The following CTNNA2 variants were observed in gnomAD, a reference collection of about 807,000 sequenced individuals.
CTNNA2 encodes catenin alpha-2.
A neutral mutation model predicts 101.0 loss-of-function variants in CTNNA2; 42 were observed. The observed-to-expected ratio is 0.42, with a 90% CI of 0.32 to 0.54. The LOEUF (loss-of-function observed/expected upper bound fraction) is 0.54. Ranked by LOEUF, CTNNA2 falls within the 20% of genes least tolerant of loss-of-function variation. The probability of loss-of-function intolerance (pLI) is 0.14; values close to 1 mark genes in which losing one functional copy is unlikely to be tolerated. For synonymous variants in CTNNA2, 450 were observed against 456.4 expected (o/e 0.99, Z 0.18); for missense variants, 871 against 1,223.1 (o/e 0.71, Z 4.29).
intron 1 of CTNNA2, chr2:79,195,947 TGTTTTA>T (rs537654535): frequency 6.7e-4 from 293 of 437,426 alleles, no homozygotes; most frequent in African/African-American, 5.3e-3. Context: ...TTTGTTTGTT[TGTTTTA>T]TGAGATGGAG....
intron 7 of CTNNA2, among the ~76,000 whole-genome samples, chr2:80,131,363 T>G (rs1048605155): frequency 6.6e-6 from 1 of 152,102 alleles, no homozygotes; most frequent in Non-Finnish European, 1.5e-5. Flanking sequence ...TATGGTCATG[T>G]AAGACATTAT....
intron 3 of CTNNA2, among the ~76,000 whole-genome samples, chr2:79,745,720 A>G (rs1436841070): frequency 1.3e-5 from 2 of 152,172 alleles, no homozygotes; most frequent in African/African-American, 4.8e-5. Context: ...ACTTAGCATA[A>G]TGTCTTCAAG....
At chr2:79,544,407 A>G (rs1673606471) in intron 1 of CTNNA2, among the ~76,000 whole-genome samples, 1 of 152,114 alleles carries the variant, frequency 6.6e-6, no homozygotes, top group Admixed American at 6.5e-5. Context: ...TTCTTTTGTA[A>G]GTGAAGCAAT....
intron 1 of CTNNA2, among the ~76,000 whole-genome samples, chr2:79,617,028 A>T (rs1299636011): frequency 1.3e-5 from 2 of 151,826 alleles, no homozygotes; most frequent in African/African-American, 4.8e-5. Context: ...CAGCCACCAA[A>T]GTAACTGGGA....
intron 4 of CTNNA2, among the ~76,000 whole-genome samples, chr2:79,859,293 T>C (rs1016844954): frequency 3.3e-5 from 5 of 151,996 alleles, no homozygotes; most frequent in African/African-American, 1.2e-4. Context: ...CCAGGGGAGA[T>C]AGGAAATGAA....
At chr2:80,027,972 C>CAAAAAAAAAAAA (rs1177032489) in intron 7 of CTNNA2, 1 of 19,838 alleles carries the variant, frequency 5.0e-5, no homozygotes, top group Non-Finnish European at 1.0e-4. Context: ...GACCCTGTCT[C>CAAAAAAAAAAAA]AAAAAAAAAA....
intron 2 of CTNNA2, among the ~76,000 whole-genome samples, chr2:79,731,336 T>C (rs1687182010): frequency 6.6e-6 from 1 of 152,100 alleles, no homozygotes; most frequent in Non-Finnish European, 1.5e-5. Context: ...CAGGGAGCCC[T>C]GTACTCTCGA....
At chr2:79,773,224 A>G (rs1433568044) in intron 3 of CTNNA2, among the ~76,000 whole-genome samples, 3 of 152,196 alleles carry the variant, frequency 2.0e-5, no homozygotes, top group Non-Finnish European at 4.4e-5. Context: ...TGAATTAAGC[A>G]AGAGAGGATG....
chr2:79,815,071 C>T (rs187477385), intron 3 of CTNNA2, among the ~76,000 whole-genome samples: 3 of 152,118 alleles, frequency 2.0e-5, no homozygotes, highest in Admixed American at 6.5e-5. Flanking sequence ...ATTTTTGTAT[C>T]TTCTTTGGAG....
intron 7 of CTNNA2, among the ~76,000 whole-genome samples, chr2:80,047,072 G>A (rs75419762): frequency 6.6e-6 from 1 of 152,076 alleles, no homozygotes; most frequent in South Asian, 2.1e-4. Flanking sequence ...GATGTCCCCT[G>A]GGGTAAAATC....
At chr2:79,703,988 GTTA>G (rs1362295012) in intron 2 of CTNNA2, among the ~76,000 whole-genome samples, 7 of 151,894 alleles carry the variant, frequency 4.6e-5, no homozygotes, top group East Asian at 3.9e-4. Context: ...CTAAATTAAA[GTTA>G]TTATTACTAG....
chr2:79,882,213 G>A lies in CTNNA2; in HGVS notation c.852+7871G>A, dbSNP rs184246792. Among the ~76,000 whole-genome samples the A allele has an allele frequency of 4.7e-3, 714 of 152,158 alleles. 8 individuals carry two copies. Among genetic ancestry groups the A allele is most frequent in the Non-Finnish European group, 6.5e-3 (443 of 68,002 alleles). The stretch of plus-strand genomic sequence containing the variant: ...TGGACTTCCCTTTGTAGGTGACCTG[G>A]CCTTTCTCTCTGGCTGCCCTTAACA... On this transcript the variant is annotated intron_variant, in intron 6 of 18. Transcript: ENST00000402739.
At chr2:80,505,824 C>T (rs1688234263) in intron 9 of CTNNA2, among the ~76,000 whole-genome samples, 1 of 152,184 alleles carries the variant, frequency 6.6e-6, no homozygotes, top group Non-Finnish European at 1.5e-5. Context: ...CTTTCTTTAG[C>T]TATTCTTGCT....
At chr2:80,247,186 C>T (rs1160216311) in intron 7 of CTNNA2, among the ~76,000 whole-genome samples, 1 of 152,136 alleles carries the variant, frequency 6.6e-6, no homozygotes, top group Admixed American at 6.5e-5. Context: ...AAGCTGCAGA[C>T]AGTTCAAATA....
intron 10 of CTNNA2, 69 bp downstream of exon 10, chr2:80,545,143 CT>C: frequency 7.0e-7 from 1 of 1,425,740 alleles, no homozygotes; most frequent in Non-Finnish European, 9.7e-7. Flanking sequence ...TGTGCCCCTC[CT>C]TTTCCTTCTC....
At chr2:79,259,256 G>A (rs753254602) in intron 2 of CTNNA2, among the ~76,000 whole-genome samples, 1 of 152,140 alleles carries the variant, frequency 6.6e-6, no homozygotes, top group Non-Finnish European at 1.5e-5. Context: ...CTGAGCAGAT[G>A]AGGGGGCATA....
At chr2:79,612,215 G>A (rs1678322911) in intron 1 of CTNNA2, among the ~76,000 whole-genome samples, 3 of 152,164 alleles carry the variant, frequency 2.0e-5, no homozygotes, top group African/African-American at 7.2e-5. Flanking sequence ...CCAAATGGTT[G>A]CTGTGCTCCA....
At chr2:80,188,735 C>T (rs1706284195) in intron 7 of CTNNA2, among the ~76,000 whole-genome samples, 1 of 152,116 alleles carries the variant, frequency 6.6e-6, no homozygotes, top group Non-Finnish European at 1.5e-5. Context: ...ATCAAAGACT[C>T]ATGATTTACA....
chr2:79,924,937 T>G (rs1686926262), intron 7 of CTNNA2, among the ~76,000 whole-genome samples: 1 of 152,128 alleles, frequency 6.6e-6, no homozygotes, highest in Admixed American at 6.6e-5. Flanking sequence ...CACATGATGA[T>G]AATTCTTTAG....
Sources: gnomAD v4.1 joint callset for allele counts (sites outside exome capture counted in the v4.1 genomes callset) on GRCh38, gnomAD v4.1.1 for gene constraint, MANE v1.5 for transcripts, NCBI Gene and HGNC (gene_info 2026-07-23, HGNC 2026-07-21) for gene names.